GMPR: variants seen among roughly 807,000 people sequenced by gnomAD.
GMPR encodes the protein guanosine monophosphate reductase, also known as GMP reductase 1.
Under a neutral mutation model 38.4 loss-of-function variants are expected in GMPR, and 31 were observed. The ratio of observed to expected loss-of-function variants is 0.81; its 90% CI spans 0.61 to 1.09. The LOEUF is 1.09. GMPR is among the 50% of genes least tolerant of loss of function. The pLI is 0.00. For synonymous variants in GMPR, 162 were observed against 173.3 expected (o/e 0.93, Z 0.51); for missense variants, 468 against 453.7 (o/e 1.03, Z -0.29).
intron 6 of GMPR, among the ~76,000 whole-genome samples, chr6:16,284,427 C>T (rs1160325622): frequency 6.6e-6 from 1 of 152,174 alleles, no homozygotes; most frequent in African/African-American, 2.4e-5. Flanking sequence ...GTAGCCTGGG[C>T]ACCCTGTCTT....
intron 1 of GMPR, among the ~76,000 whole-genome samples, chr6:16,240,976 C>G (rs1758637814): frequency 6.6e-6 from 1 of 152,056 alleles, no homozygotes; most frequent in Admixed American, 6.5e-5. Context: ...ACTTTACTTG[C>G]CTCGGTGGCG....
chr6:16,288,363 C>T (rs955720344), intron 7 of GMPR, among the ~76,000 whole-genome samples: 1 of 152,228 alleles, frequency 6.6e-6, no homozygotes, highest in African/African-American at 2.4e-5. Flanking sequence ...CCGGCTGGCC[C>T]TGCCGGCCTC....
At chr6:16,266,894 C>T (rs1759255557) in intron 4 of GMPR, among the ~76,000 whole-genome samples, 1 of 151,298 alleles carries the variant, frequency 6.6e-6, no homozygotes, top group African/African-American at 2.4e-5. Flanking sequence ...ACGAACAACT[C>T]CGGACGTGCC....
rs10484359 is a variant in GMPR, at chr6:16,274,395, C to G, written c.466-20C>G. 120,293 of 1,445,530 alleles carry G rather than the reference C, an allele frequency of 0.083. 5,313 individuals carry two copies. Among genetic ancestry groups the G allele is most frequent in the Non-Finnish European group, 0.091 (93,467 of 1,026,170 alleles). 89.5% of individuals were successfully genotyped at this position (1,445,530 alleles called of 1,614,324 possible). On this transcript the variant is annotated intron_variant, in intron 4 of 8. Transcript: ENST00000259727. The stretch of plus-strand genomic sequence containing the variant: ...AGCAATAGTAGTTCATGATCATCAG[C>G]TGTATTCTTTCTGTCTCAGGCAGGG...
At chr6:16,268,494 G>C (rs1759313993) in intron 4 of GMPR, among the ~76,000 whole-genome samples, 1 of 152,194 alleles carries the variant, frequency 6.6e-6, no homozygotes, top group African/African-American at 2.4e-5. Context: ...GGCCAGGCTG[G>C]TCTCGAACTC....
At chr6:16,267,892 C>G (rs1438549847) in intron 4 of GMPR, among the ~76,000 whole-genome samples, 1 of 152,236 alleles carries the variant, frequency 6.6e-6, no homozygotes, top group African/African-American at 2.4e-5. Flanking sequence ...GGCTGGATCT[C>G]CAGGGCGGGA....
In GMPR at chr6:16,295,383, A is replaced by T. The variant is rs1172835534; in HGVS notation, c.*197A>T. 1 of 458,074 alleles carries T rather than the reference A, an allele frequency of 2.2e-6. No individual in the cohort carries two copies. Among genetic ancestry groups the T allele is most frequent in the East Asian group, 3.6e-5 (1 of 27,946 alleles). 28.4% of individuals were successfully genotyped at this position (458,074 alleles called of 1,614,324 possible). The stretch of plus-strand genomic sequence containing the variant: ...CTCGGGGCCCAGACGCAAGGCACCG[A>T]TTGGGCCAACATCAGAGCCCTGCTG... On this transcript the variant is annotated 3_prime_UTR_variant, in exon 9 of 9. Coordinates refer to ENST00000259727, the MANE Select transcript of GMPR (RefSeq NM_006877.4).
chr6:16,258,434 A>AT, intron 4 of GMPR, among the ~76,000 whole-genome samples: 1 of 152,326 alleles, frequency 6.6e-6, no homozygotes, highest in East Asian at 1.9e-4. Context: ...GGGGCTGGGT[A>AT]AGACGAGGGA....
chr6:16,289,915 G>A (rs905481772), intron 7 of GMPR: 1 of 127,804 alleles, frequency 7.8e-6, no homozygotes, highest in Non-Finnish European at 1.5e-5. Flanking sequence ...TGTTGCCCAG[G>A]TTGGAGTGCA....
chr6:16,245,835 C>T (rs1758741049), intron 1 of GMPR, among the ~76,000 whole-genome samples: 1 of 152,176 alleles, frequency 6.6e-6, no homozygotes, highest in African/African-American at 2.4e-5. Context: ...ATACGCAGGC[C>T]TCTCTGGTCG....
chr6:16,249,554 C>A (rs1008303885), intron 2 of GMPR, among the ~76,000 whole-genome samples: 1 of 152,026 alleles, frequency 6.6e-6, no homozygotes, highest in Non-Finnish European at 1.5e-5. Context: ...AACTCCTGGG[C>A]TTAAGTGATC....
intron 7 of GMPR, among the ~76,000 whole-genome samples, chr6:16,288,446 A>T (rs1386897036): frequency 6.6e-6 from 1 of 152,202 alleles, no homozygotes; most frequent in South Asian, 2.1e-4. Context: ...GTGCCAGCCC[A>T]CTGGCGCTGC....
chr6:16,279,262 G>C (rs973207344), intron 6 of GMPR, among the ~76,000 whole-genome samples: 4 of 151,746 alleles, frequency 2.6e-5, no homozygotes, highest in Non-Finnish European at 5.9e-5. Flanking sequence ...TCAGGGTGTT[G>C]GGGGGGGCAT....
intron 8 of GMPR, among the ~76,000 whole-genome samples, chr6:16,292,305 G>A (rs774385160): frequency 2.6e-5 from 4 of 151,968 alleles, no homozygotes; most frequent in African/African-American, 7.3e-5. Context: ...GGGGGGATTG[G>A]GGGGAGTGGG....
intron 5 of GMPR, 136 bp from the exon 6 acceptor site, chr6:16,278,648 T>A (rs1163846398): frequency 1.4e-6 from 1 of 712,158 alleles, no homozygotes; most frequent in Non-Finnish European, 2.5e-6. Flanking sequence ...GGGCAGCCTG[T>A]TCCCCACATC....
In GMPR at chr6:16,265,969, T is replaced by C. The variant is rs537288395; in HGVS notation, c.466-8446T>C. 3.6e-4 allele frequency among the ~76,000 whole-genome samples: 55 copies of C among 152,220 alleles called. 1 individual carries two copies. The highest frequency in any genetic ancestry group is 1.3e-3 in the African/African-American group (55 of 41,522). ...GCCACCCGCCGGGAGAAAGGAACAA[T>C]TGTGGATGTGCAACCTTTAAGAGCT... On this transcript the variant is annotated intron_variant, in intron 4 of 8. Transcript: ENST00000259727.
chr6:16,286,415 T>C (rs1759680396), intron 7 of GMPR, among the ~76,000 whole-genome samples: 3 of 151,934 alleles, frequency 2.0e-5, no homozygotes, highest in Admixed American at 6.6e-5. Flanking sequence ...GTGTTGGCCA[T>C]AGAACTGCAA....
chr6:16,242,332 CT>C (rs36064390), intron 1 of GMPR, among the ~76,000 whole-genome samples: 64,936 of 142,734 alleles, frequency 0.45, 16,369 homozygotes, highest in East Asian at 0.86. Flanking sequence ...TCACTAATTA[CT>C]TTTTTTTTTT....
At chr6:16,268,122 T>A (rs1581658022) in intron 4 of GMPR, among the ~76,000 whole-genome samples, 1 of 152,352 alleles carries the variant, frequency 6.6e-6, no homozygotes, top group East Asian at 1.9e-4. Context: ...TCTCAGGCCG[T>A]GTTCCCTGGA....
Sources: gnomAD v4.1 joint callset for allele counts (sites outside exome capture counted in the v4.1 genomes callset) on GRCh38, gnomAD v4.1.1 for gene constraint, MANE v1.5 for transcripts, NCBI Gene and HGNC (gene_info 2026-07-23, HGNC 2026-07-21) for gene names.